ADGRE3: variants seen among roughly 807,000 people sequenced by gnomAD.
The protein encoded by ADGRE3 is EGF-like module receptor 3.
A neutral mutation model predicts 80.1 loss-of-function variants in ADGRE3; 88 were observed. The ratio of observed to expected loss-of-function variants is 1.10; its 90% CI spans 0.93 to 1.31. The LOEUF (loss-of-function observed/expected upper bound fraction) is 1.31. Among genes scored for constraint, ADGRE3 ranks in the 40% most tolerant of loss-of-function variants. ADGRE3 has a pLI of 0.00. For synonymous variants in ADGRE3, 281 were observed against 294.8 expected (o/e 0.95, Z 0.48); for missense variants, 715 against 776.5 (o/e 0.92, Z 0.94).
downstream of ADGRE3, among the ~76,000 whole-genome samples, chr19:14,617,357 T>TCTTTCTTTCTTTCTTA (rs2075085336): frequency 8.8e-6 from 1 of 114,198 alleles, no homozygotes; most frequent in African/African-American, 3.3e-5. Flanking sequence ...TTTCTTTCTT[T>TCTTTCTTTCTTTCTTA]CTTTCTTTCT....
chr19:14,645,471 C>T (rs1971373537), intron 8 of ADGRE3, among the ~76,000 whole-genome samples: 1 of 151,924 alleles, frequency 6.6e-6, no homozygotes, highest in South Asian at 2.1e-4. Flanking sequence ...CCAGTTTGTC[C>T]AACATGGCCA....
chr19:14,669,582 AG>A (rs1972197811), intron 1 of ADGRE3, among the ~76,000 whole-genome samples: 2 of 152,016 alleles, frequency 1.3e-5, no homozygotes, highest in Non-Finnish European at 2.9e-5. Flanking sequence ...TCCACCTCCC[AG>A]GTTCAATCGA....
the ADGRE3 span, among the ~76,000 whole-genome samples, chr19:14,607,491 C>T: frequency 6.6e-6 from 1 of 151,686 alleles, no homozygotes; most frequent in Non-Finnish European, 1.5e-5. Flanking sequence ...GCGTGAGCCA[C>T]CGCGCCCGGC....
At chr19:14,646,721 T>TTCCC (rs1971418388) in intron 8 of ADGRE3, among the ~76,000 whole-genome samples, 1 of 131,692 alleles carries the variant, frequency 7.6e-6, no homozygotes, top group African/African-American at 2.8e-5. Context: ...CCTTCCTTCC[T>TTCCC]TCCTTCCTTC....
At chr19:14,630,359 G>A (rs1970849208) in intron 13 of ADGRE3, 152 bp from the exon 14 acceptor site, 6 of 469,936 alleles carry the variant, frequency 1.3e-5, no homozygotes, top group Admixed American at 3.8e-5. Context: ...TCTTGTGAAA[G>A]CTGCTTTACC....
At chr19:14,638,973 C>T (rs1291603181) in intron 10 of ADGRE3, among the ~76,000 whole-genome samples, 3 of 152,110 alleles carry the variant, frequency 2.0e-5, no homozygotes, top group Non-Finnish European at 2.9e-5. Context: ...ACAATCATAG[C>T]TCACTGCAGC....
intron 7 of ADGRE3, among the ~76,000 whole-genome samples, chr19:14,648,560 A>C (rs1971483129): frequency 6.6e-6 from 1 of 152,114 alleles, no homozygotes; most frequent in African/African-American, 2.4e-5. Flanking sequence ...ACCTACTGTG[A>C]TAGTTCATTT....
At chr19:14,633,162 C>G (rs951555556) in intron 12 of ADGRE3, 74 bp downstream of exon 12, 13 of 1,401,628 alleles carry the variant, frequency 9.3e-6, no homozygotes, top group Middle Eastern at 1.8e-4. Flanking sequence ...GAAATGCAAG[C>G]CCCTTGTACC....
At chr19:14,620,537 T>TACA in intron 15 of ADGRE3, among the ~76,000 whole-genome samples, 1 of 18,448 alleles carries the variant, frequency 5.4e-5, no homozygotes, top group Non-Finnish European at 8.9e-5. Context: ...TATATATATT[T>TACA]TATATATATA....
At chr19:14,653,943 G>GT (rs1345464784) in intron 6 of ADGRE3, among the ~76,000 whole-genome samples, 20 of 48,346 alleles carry the variant, frequency 4.1e-4, no homozygotes, top group African/African-American at 2.9e-3. Context: ...TGCTGTGTGT[G>GT]TGTTTTTTTT....
intron 2 of ADGRE3, among the ~76,000 whole-genome samples, chr19:14,665,808 T>C (rs975171541): frequency 2.7e-5 from 4 of 149,822 alleles, no homozygotes; most frequent in Non-Finnish European, 5.9e-5. Flanking sequence ...AATTTTATTT[T>C]TGGATAAAAA....
intron 4 of ADGRE3, among the ~76,000 whole-genome samples, chr19:14,661,515 C>T (rs1309784738): frequency 1.3e-5 from 2 of 152,204 alleles, no homozygotes; most frequent in African/African-American, 4.8e-5. Flanking sequence ...TGGTCTCAAT[C>T]ACCACCTTGT....
chr19:14,668,132 T>A (rs1339091625), intron 2 of ADGRE3, among the ~76,000 whole-genome samples: 2 of 152,086 alleles, frequency 1.3e-5, no homozygotes, highest in Non-Finnish European at 2.9e-5. Flanking sequence ...GTGTCTTTAG[T>A]CCCAGCTACT....
chr19:14,647,031 C>T, intron 8 of ADGRE3, 150 bp downstream of exon 8: 1 of 618,692 alleles, frequency 1.6e-6, no homozygotes, highest in African/African-American at 1.8e-5. Context: ...TCGATTCAGA[C>T]CAGCTACATT....
intron 5 of ADGRE3, among the ~76,000 whole-genome samples, chr19:14,656,858 G>A (rs375961126): frequency 7.5e-4 from 114 of 152,182 alleles, no homozygotes; most frequent in African/African-American, 2.7e-3. Flanking sequence ...CTCACCATCT[G>A]CCTAAGTAAT....
At chr19:14,669,829 C>T (rs529603926) in intron 1 of ADGRE3, among the ~76,000 whole-genome samples, 11 of 152,070 alleles carry the variant, frequency 7.2e-5, no homozygotes, top group South Asian at 6.2e-4. Flanking sequence ...TACCCAGTAG[C>T]GGGATTTCTG....
At chr19:14,605,720 C>A in the ADGRE3 span, among the ~76,000 whole-genome samples, 1 of 152,040 alleles carries the variant, frequency 6.6e-6, no homozygotes, top group South Asian at 2.1e-4. Flanking sequence ...TAAGTCCTTT[C>A]TTTTCTTCCA....
the ADGRE3 span, among the ~76,000 whole-genome samples, chr19:14,608,660 G>C: frequency 5.9e-5 from 8 of 135,886 alleles, no homozygotes; most frequent in African/African-American, 2.2e-4. Context: ...TTGAGACAGA[G>C]TCTCACTCTG....
chr19:14,629,143 CA>C (rs1464519375), intron 14 of ADGRE3, among the ~76,000 whole-genome samples: 1 of 152,106 alleles, frequency 6.6e-6, no homozygotes, highest in Non-Finnish European at 1.5e-5. Context: ...AGGCTGGTCT[CA>C]AACTCCTGAG....
Sources: allele counts gnomAD v4.1 joint callset (sites outside exome capture counted in the v4.1 genomes callset), GRCh38; gene constraint gnomAD v4.1.1; transcripts MANE v1.5; gene names NCBI Gene and HGNC (gene_info 2026-07-23, HGNC 2026-07-21).